The following PATJ variants were observed in gnomAD, a reference collection of about 807,000 sequenced individuals.
PATJ encodes PATJ crumbs cell polarity complex component.
In PATJ, 190 loss-of-function variants were observed where a neutral mutation model predicts 224.9. The observed-to-expected ratio is 0.84, with a 90% confidence interval of 0.75 to 0.95. The LOEUF (loss-of-function observed/expected upper bound fraction) is 0.95. Among genes scored for constraint, PATJ ranks in the 40% least tolerant of loss-of-function variants. The pLI is 0.00. For synonymous variants in PATJ, 769 were observed against 820.3 expected (o/e 0.94, Z 1.07); for missense variants, 2,121 against 2,270.3 (o/e 0.93, Z 1.34).
In PATJ at chr1:62,163,000, T is replaced by A. The variant is rs1669946978; in HGVS notation, c.*1946T>A. On this transcript the variant is annotated 3_prime_UTR_variant, in exon 44 of 44. Transcript: ENST00000642238. ...GTACTAGAGTCAGTAATAGAAGTAG[T>A]TCAGCATTATTTAACTACAACACAA... 1 of 322,568 alleles carries A rather than the reference T, an allele frequency of 3.1e-6. No individual in the cohort carries two copies. The highest frequency in any genetic ancestry group is 6.1e-6 in the Non-Finnish European group (1 of 162,900). The allele number at this position is 322,568 out of a possible 1,614,324, so 20.0% of individuals were successfully genotyped here. A position where few individuals can be genotyped will look rare whatever the true frequency, so the allele number is the denominator to read the frequency against.
intron 41 of PATJ, among the ~76,000 whole-genome samples, chr1:62,136,015 ATTTTTTTTTTTT>A (rs374594803): frequency 7.8e-5 from 5 of 63,882 alleles, no homozygotes; most frequent in East Asian, 6.2e-4. Context: ...AGACCATTAG[ATTTTTTTTTTTT>A]TTTTTTTTTT....
chr1:62,032,835 G>T (rs531310847), intron 29 of PATJ, among the ~76,000 whole-genome samples: 5 of 151,432 alleles, frequency 3.3e-5, no homozygotes, highest in African/African-American at 9.8e-5. Flanking sequence ...CAGCGTGTCT[G>T]GGGGGGCCTC....
At chr1:61,953,231 A>C (rs1432515441) in intron 27 of PATJ, among the ~76,000 whole-genome samples, 1 of 152,220 alleles carries the variant, frequency 6.6e-6, no homozygotes, top group East Asian at 1.9e-4. Flanking sequence ...ATTGAGACAT[A>C]ATAGGGGTAT....
At chr1:61,890,939 G>T (rs570981243) in intron 22 of PATJ, among the ~76,000 whole-genome samples, 1 of 152,176 alleles carries the variant, frequency 6.6e-6, no homozygotes, top group South Asian at 2.1e-4. Flanking sequence ...GGTTTGCAGT[G>T]ATGTTGGTGG....
At chr1:62,058,978 T>C (rs1570378140) in intron 31 of PATJ, among the ~76,000 whole-genome samples, 1 of 152,216 alleles carries the variant, frequency 6.6e-6, no homozygotes, top group Admixed American at 6.5e-5. Flanking sequence ...CAGGTTTCCA[T>C]TTTCCACTGG....
chr1:61,936,430 A>AT (rs1676881047), intron 27 of PATJ, among the ~76,000 whole-genome samples: 1 of 87,794 alleles, frequency 1.1e-5, no homozygotes, highest in Non-Finnish European at 2.4e-5. Flanking sequence ...CTCTTCCAAG[A>AT]CCAAAAAAAA....
chr1:61,826,421 TTG>T (rs1658273598), intron 15 of PATJ, among the ~76,000 whole-genome samples: 1 of 6,222 alleles, frequency 1.6e-4, no homozygotes, highest in Non-Finnish European at 6.1e-4. Context: ...CAAATAATGC[TTG>T]CTTCTAAACC....
At chr1:62,036,871 C>CAAAAAAA (rs55761910) in intron 29 of PATJ, among the ~76,000 whole-genome samples, 12,964 of 67,232 alleles carry the variant, frequency 0.19, 1,764 homozygotes, top group Middle Eastern at 0.39. Flanking sequence ...GACTCCATCT[C>CAAAAAAA]AAAAAAAAAA....
At chr1:62,148,783 A>G (rs1354358259) in intron 42 of PATJ, among the ~76,000 whole-genome samples, 3 of 152,160 alleles carry the variant, frequency 2.0e-5, no homozygotes, top group African/African-American at 7.2e-5. Context: ...CAGTCATCGC[A>G]GTTAAAGTTG....
intron 25 of PATJ, among the ~76,000 whole-genome samples, chr1:61,909,976 T>C (rs1256009798): frequency 1.3e-5 from 2 of 152,208 alleles, no homozygotes; most frequent in Non-Finnish European, 2.9e-5. Context: ...TCATCAAGAC[T>C]AATTGAGAGA....
Position 62,070,359 on chromosome 1 carries a change from G to T in PATJ, c.4126-9091G>T, listed in dbSNP as rs577344248. 2.0e-5 allele frequency among the ~76,000 whole-genome samples: 3 copies of T among 152,238 alleles called. No homozygotes were observed. In the South Asian group the frequency reaches 6.2e-4, roughly 32 times the overall value. ...TAAAGGCCACAGAGTCATCTTCACTGTGTGACCTTCCTTTCATGGCTGGTT... is the reference window on the plus strand; with the variant it reads ...TAAAGGCCACAGAGTCATCTTCACTTTGTGACCTTCCTTTCATGGCTGGTT... On this transcript the variant is annotated intron_variant, in intron 31 of 43. Transcript: ENST00000642238.
intron 25 of PATJ, among the ~76,000 whole-genome samples, chr1:61,913,430 A>T (rs1195013914): frequency 6.6e-6 from 1 of 151,564 alleles, no homozygotes; most frequent in Non-Finnish European, 1.5e-5. Context: ...CTGGTCTCAA[A>T]CTCCTGGACT....
chr1:61,794,838 G>C (rs983532513), intron 9 of PATJ, among the ~76,000 whole-genome samples: 12 of 151,864 alleles, frequency 7.9e-5, no homozygotes, highest in African/African-American at 1.9e-4. Context: ...AATTACGAAA[G>C]TTATCTGGGT....
At chr1:61,810,967 G>C (rs1338179379) in intron 14 of PATJ, among the ~76,000 whole-genome samples, 1 of 152,044 alleles carries the variant, frequency 6.6e-6, no homozygotes, top group Non-Finnish European at 1.5e-5. Context: ...ATTAATTACT[G>C]CATTATAGTG....
intron 7 of PATJ, among the ~76,000 whole-genome samples, chr1:61,783,745 C>CT (rs11372619): frequency 0.8 from 93,813 of 117,830 alleles, 37,934 homozygotes; most frequent in Middle Eastern, 0.84. Context: ...AGAGTTGCTA[C>CT]TTTTTTTTTT....
intron 41 of PATJ, among the ~76,000 whole-genome samples, chr1:62,146,176 G>A (rs1172791132): frequency 6.6e-6 from 1 of 152,032 alleles, no homozygotes; most frequent in East Asian, 1.9e-4. Flanking sequence ...TTAAAGTGCT[G>A]AGGTGGGGAT....
At chr1:61,889,329 C>T (rs955927475) in intron 22 of PATJ, among the ~76,000 whole-genome samples, 9 of 152,108 alleles carry the variant, frequency 5.9e-5, no homozygotes, top group African/African-American at 1.7e-4. Flanking sequence ...ATTAAGAGGT[C>T]AGGTGCCCCT....
At chr1:61,805,063 A>G (rs774986386) in intron 12 of PATJ, among the ~76,000 whole-genome samples, 1 of 152,220 alleles carries the variant, frequency 6.6e-6, no homozygotes, top group Non-Finnish European at 1.5e-5. Context: ...ATTAACATTT[A>G]AATTAAATCC....
At chr1:61,766,240 T>C in intron 3 of PATJ, 39 bp from the exon 4 acceptor site, 1 of 1,355,736 alleles carries the variant, frequency 7.4e-7, no homozygotes, top group Non-Finnish European at 1.0e-6. Flanking sequence ...ACAATTTTTC[T>C]ATAGATTTCT....
Sources: gnomAD v4.1 joint callset for allele counts (sites outside exome capture counted in the v4.1 genomes callset) on GRCh38, gnomAD v4.1.1 for gene constraint, MANE v1.5 for transcripts, NCBI Gene and HGNC (gene_info 2026-07-23, HGNC 2026-07-21) for gene names.